The following FRMD6 variants were observed in gnomAD, a reference collection of about 807,000 sequenced individuals.
FRMD6 encodes the protein FERM domain-containing protein 6.
In FRMD6, 37 loss-of-function variants were observed where a neutral mutation model predicts 73.2. The ratio of observed to expected loss-of-function variants is 0.51; its 90% CI spans 0.39 to 0.66. The LOEUF is 0.66. Ranked by LOEUF, FRMD6 falls within the 30% of genes least tolerant of loss-of-function variation. The pLI is 0.00. For missense variants in FRMD6, 714 were observed against 780.5 expected (o/e 0.91, Z 1.02); for synonymous variants, 273 against 282.2 (o/e 0.97, Z 0.33).
At chr14:51,709,499 A>G (rs1321632622) in intron 7 of FRMD6, among the ~76,000 whole-genome samples, 1 of 152,126 alleles carries the variant, frequency 6.6e-6, no homozygotes, top group Non-Finnish European at 1.5e-5. Flanking sequence ...TTTAGTTTGG[A>G]TGTATTGCTC....
intron 1 of FRMD6, among the ~76,000 whole-genome samples, chr14:51,554,056 G>A (rs1427906087): frequency 6.6e-6 from 1 of 151,888 alleles, no homozygotes; most frequent in African/African-American, 2.4e-5. Flanking sequence ...TGAACCTAGG[G>A]CACCCTGTAG....
chr14:51,495,236 C>T (rs1408705631), intron 1 of FRMD6, among the ~76,000 whole-genome samples: 2 of 152,202 alleles, frequency 1.3e-5, no homozygotes, highest in Non-Finnish European at 2.9e-5. Flanking sequence ...TCTTGTTTCC[C>T]TCTGAGATCT....
chr14:51,514,625 A>T (rs1317797967), intron 1 of FRMD6, among the ~76,000 whole-genome samples: 2 of 152,240 alleles, frequency 1.3e-5, no homozygotes, highest in Non-Finnish European at 2.9e-5. Context: ...AGGCAGGCAG[A>T]TCACTTGATG....
the FRMD6 span, among the ~76,000 whole-genome samples, chr14:51,412,545 T>G: frequency 6.6e-6 from 1 of 152,274 alleles, no homozygotes; most frequent in East Asian, 1.9e-4. Flanking sequence ...GAATCTGCAT[T>G]TTTTTACATA....
chr14:51,614,910 A>G (rs773670153), intron 2 of FRMD6, among the ~76,000 whole-genome samples: 2 of 152,170 alleles, frequency 1.3e-5, no homozygotes, highest in African/African-American at 2.4e-5. Context: ...TTATGAATAC[A>G]TGCAGTCTAT....
chr14:51,648,073 C>A (rs941660492), upstream of FRMD6, among the ~76,000 whole-genome samples: 2 of 152,196 alleles, frequency 1.3e-5, no homozygotes, highest in East Asian at 3.8e-4. Flanking sequence ...GATTTGCCCA[C>A]CTCCGTCTCC....
the FRMD6 span, among the ~76,000 whole-genome samples, chr14:51,414,136 A>G: frequency 1.3e-5 from 2 of 152,120 alleles, no homozygotes; most frequent in Non-Finnish European, 2.9e-5. Flanking sequence ...TTCTTTTGCC[A>G]GGCAGAAGCT....
intron 13 of FRMD6, 43 bp downstream of exon 13, chr14:51,725,913 A>G: frequency 6.9e-7 from 1 of 1,445,838 alleles, no homozygotes; most frequent in African/African-American, 1.4e-5. Flanking sequence ...AACTGAAGTT[A>G]TAGAAAATTT....
At chr14:51,597,383 C>A (rs10149019) in intron 2 of FRMD6, among the ~76,000 whole-genome samples, 3,283 of 152,288 alleles carry the variant, frequency 0.022, 132 homozygotes, top group African/African-American at 0.076. Flanking sequence ...ACAGCATCCG[C>A]CCTTCATTTT....
At chr14:51,639,509 C>G (rs1317898505) in intron 2 of FRMD6, among the ~76,000 whole-genome samples, 1 of 151,966 alleles carries the variant, frequency 6.6e-6, no homozygotes, top group Non-Finnish European at 1.5e-5. Flanking sequence ...TGTCTGTTTT[C>G]TGGTTTCATT....
intron 2 of FRMD6, among the ~76,000 whole-genome samples, chr14:51,697,549 A>G (rs1257690012): frequency 6.6e-6 from 1 of 152,126 alleles, no homozygotes; most frequent in Admixed American, 6.6e-5. Flanking sequence ...GTTAGGAGGA[A>G]TAAGTTCAAG....
At position 51,727,963 on chromosome 14, in the gene FRMD6, C is replaced by T. The variant is rs768883209; in HGVS notation, c.1803C>T (p.Val601=). 1.2e-6 allele frequency: 2 copies of T among 1,613,988 alleles called. No homozygotes were observed. Among genetic ancestry groups the T allele is most frequent in the Non-Finnish European group, 1.7e-6 (2 of 1,179,858 alleles). Residue 601 remains valine, a synonymous_variant, in exon 14 of 14, where the codon GTC becomes GTT. Coordinates refer to ENST00000344768, the MANE Select transcript of FRMD6 (RefSeq NM_001267046.2). ...QCINIQDAFP[V]KRTSKYFSLD... is the part of the protein sequence containing the mutation. ...TCAACATCCAAGATGCTTTTCCAGTCAAAAGAACCAGCAAATACTTTTCTC... is the reference window on the plus strand; with the variant it reads ...TCAACATCCAAGATGCTTTTCCAGTTAAAAGAACCAGCAAATACTTTTCTC...
At chr14:51,692,757 TG>T (rs1320018420) in intron 2 of FRMD6, 2 of 152,202 alleles carry the variant, frequency 1.3e-5, no homozygotes, top group Admixed American at 6.5e-5. Flanking sequence ...GTGTAGTCTA[TG>T]GCCATACTAC....
chr14:51,411,721 G>T, the FRMD6 span, among the ~76,000 whole-genome samples: 1 of 152,268 alleles, frequency 6.6e-6, no homozygotes, highest in Middle Eastern at 3.4e-3. Context: ...TTAATTAAGA[G>T]GGTGGATTTT....
chr14:51,585,939 G>GTGTGTGTGTGTGTATATATATATATA, intron 2 of FRMD6, among the ~76,000 whole-genome samples: 393 of 31,264 alleles, frequency 0.013, 12 homozygotes, highest in African/African-American at 0.027. Flanking sequence ...GTGTGTGTGT[G>GTGTGTGTGTGTGTATATATATATATA]TATATATATA....
chr14:51,536,563 G>A (rs562053047), intron 1 of FRMD6, among the ~76,000 whole-genome samples: 246 of 152,110 alleles, frequency 1.6e-3, no homozygotes, highest in African/African-American at 5.4e-3. Context: ...GATTACAGGT[G>A]CCTGCCACCA....
chr14:51,496,361 T>C (rs1056374150), intron 1 of FRMD6, among the ~76,000 whole-genome samples: 6 of 152,200 alleles, frequency 3.9e-5, no homozygotes, highest in African/African-American at 1.4e-4. Flanking sequence ...TTCTCACACT[T>C]CTTTGGATTA....
chr14:51,721,974 C>T lies in FRMD6; in HGVS notation c.1386C>T (p.Pro462=). The T allele has an allele frequency of 6.2e-7, 1 of 1,614,036 alleles. No homozygotes were observed. Among genetic ancestry groups the T allele is most frequent in the Non-Finnish European group, 8.5e-7 (1 of 1,180,000 alleles). Reference sequence around the variant, plus strand: ...AAATAGAGATGTTGGTTGATGACCCCCGGGATCTGGAGCAGATGAATGAAG... The same window carrying T: ...AAATAGAGATGTTGGTTGATGACCCTCGGGATCTGGAGCAGATGAATGAAG... The part of the protein sequence containing the change: ...DDEIEMLVDD[P]RDLEQMNEES... Residue 462 remains proline, a synonymous_variant, in exon 12 of 14, where the codon CCC becomes CCT. Coordinates refer to ENST00000344768, the MANE Select transcript of FRMD6 (RefSeq NM_001267046.2).
upstream of FRMD6, among the ~76,000 whole-genome samples, chr14:51,649,096 C>G (rs913945918): frequency 1.3e-5 from 2 of 152,130 alleles, no homozygotes; most frequent in African/African-American, 4.8e-5. Flanking sequence ...TAAGAAATAT[C>G]TAAAACAACA....
Sources: allele counts gnomAD v4.1 joint callset (sites outside exome capture counted in the v4.1 genomes callset), GRCh38; gene constraint gnomAD v4.1.1; transcripts MANE v1.5; gene names NCBI Gene and HGNC (gene_info 2026-07-23, HGNC 2026-07-21).